The following TP63 variants were observed in gnomAD, a reference collection of about 807,000 sequenced individuals.
TP63 encodes the protein tumor protein 63.
In TP63, 17 loss-of-function variants were observed where a neutral mutation model predicts 82.8. That is an observed-to-expected ratio of 0.21 (90% confidence interval 0.14 to 0.31). The LOEUF is 0.31. Among genes scored for constraint, TP63 ranks in the 10% least tolerant of loss-of-function variants. The pLI is 1.00. For synonymous variants in TP63, 330 were observed against 321.7 expected (o/e 1.03, Z -0.28); for missense variants, 648 against 895.3 (o/e 0.72, Z 3.52).
At chr3:189,621,503 C>G in the TP63 span, among the ~76,000 whole-genome samples, 2 of 151,700 alleles carry the variant, frequency 1.3e-5, no homozygotes, top group African/African-American at 4.8e-5. Flanking sequence ...ACATGTTACA[C>G]TATAGTATAT....
chr3:189,612,725 C>G, the TP63 span, among the ~76,000 whole-genome samples: 9 of 152,014 alleles, frequency 5.9e-5, no homozygotes, highest in Non-Finnish European at 1.3e-4. Context: ...ATGGTTTTGC[C>G]CAAAATCCTG....
At chr3:189,654,026 A>G (rs539065613) in intron 1 of TP63, among the ~76,000 whole-genome samples, 2 of 152,306 alleles carry the variant, frequency 1.3e-5, no homozygotes, top group East Asian at 3.9e-4. Flanking sequence ...AATAATGACT[A>G]GAACCTCTCT....
intron 4 of TP63, among the ~76,000 whole-genome samples, chr3:189,858,973 G>A (rs1716660980): frequency 1.3e-5 from 2 of 152,156 alleles, no homozygotes; most frequent in South Asian, 4.1e-4. Context: ...AGGGGACACG[G>A]GGTGAGGGGA....
At chr3:189,839,248 A>T (rs114416187) in intron 4 of TP63, among the ~76,000 whole-genome samples, 1 of 152,180 alleles carries the variant, frequency 6.6e-6, no homozygotes, top group African/African-American at 2.4e-5. Context: ...CTCAACAATT[A>T]TTGTCGGCAC....
At chr3:189,719,490 G>T (rs371938242) in intron 1 of TP63, among the ~76,000 whole-genome samples, 1 of 152,052 alleles carries the variant, frequency 6.6e-6, no homozygotes, top group Non-Finnish European at 1.5e-5. Context: ...AACACATCTA[G>T]TCCCTCCATT....
chr3:189,710,786 T>C (rs1387918210), intron 1 of TP63, among the ~76,000 whole-genome samples: 4 of 152,292 alleles, frequency 2.6e-5, no homozygotes, highest in Non-Finnish European at 4.4e-5. Context: ...GATTTCCTGC[T>C]GGCCTTTCAC....
rs566458952 is a variant in TP63, at chr3:189,687,757, G to A, written c.63-49983G>A. On this transcript the variant is annotated intron_variant, in intron 1 of 13. Coordinates refer to ENST00000264731, the MANE Select transcript of TP63 (RefSeq NM_003722.5). Reference sequence around the variant, plus strand: ...GTAGAGGAACCATGAGTATTGTATCGTTACCCTCACTGTCTTCTCTTCTAC... The same window carrying A: ...GTAGAGGAACCATGAGTATTGTATCATTACCCTCACTGTCTTCTCTTCTAC... 5.9e-5 allele frequency among the ~76,000 whole-genome samples: 9 copies of A among 152,204 alleles called. No homozygotes were observed. In the East Asian group the frequency reaches 7.7e-4, roughly 13 times the overall value.
chr3:189,827,316 AT>A (rs1253657465), intron 4 of TP63, among the ~76,000 whole-genome samples: 1 of 152,178 alleles, frequency 6.6e-6, no homozygotes, highest in Non-Finnish European at 1.5e-5. Flanking sequence ...CATTGGAAGC[AT>A]TAATTGTAGA....
At chr3:189,833,226 G>T (rs1282173347) in intron 4 of TP63, among the ~76,000 whole-genome samples, 1 of 152,130 alleles carries the variant, frequency 6.6e-6, no homozygotes, top group Non-Finnish European at 1.5e-5. Context: ...GCACAGTGAG[G>T]GGAAGAAACA....
At position 189,894,978 on chromosome 3, in the gene TP63, C is replaced by T. The variant is rs1577215084; in HGVS notation, c.*476C>T. On this transcript the variant is annotated 3_prime_UTR_variant, in exon 14 of 14. Coordinates refer to ENST00000264731, the MANE Select transcript of TP63 (RefSeq NM_003722.5). ...TTGTTTTGGATGGCTTGTCTATACT[C>T]CTTCCCTTAAGGGGTATCATGTATG... is the stretch of plus-strand genomic sequence containing the variant. The T allele has an allele frequency of 1.8e-5, 4 of 221,780 alleles. No individual in the cohort carries two copies. In the East Asian group the frequency reaches 2.7e-4, roughly 15 times the overall value. 13.7% of individuals were successfully genotyped at this position (221,780 alleles called of 1,614,324 possible). A position where few individuals can be genotyped will look rare whatever the true frequency, so the allele number is the denominator to read the frequency against.
At chr3:189,713,206 CT>C (rs1718722391) in intron 1 of TP63, among the ~76,000 whole-genome samples, 1 of 152,158 alleles carries the variant, frequency 6.6e-6, no homozygotes, top group South Asian at 2.1e-4. Context: ...TCTGTTTATT[CT>C]GTGTATTTCT....
At chr3:189,724,969 C>T (rs1164520002) in intron 1 of TP63, among the ~76,000 whole-genome samples, 1 of 152,126 alleles carries the variant, frequency 6.6e-6, no homozygotes, top group Non-Finnish European at 1.5e-5. Flanking sequence ...AAGGATAAAC[C>T]AGCAATCGAT....
intron 1 of TP63, among the ~76,000 whole-genome samples, chr3:189,642,309 A>G (rs1711962014): frequency 6.6e-6 from 1 of 152,222 alleles, no homozygotes; most frequent in Non-Finnish European, 1.5e-5. Context: ...TGAAAATGAG[A>G]TATGAACAGC....
the TP63 span, among the ~76,000 whole-genome samples, chr3:189,623,924 G>A: frequency 6.6e-6 from 1 of 152,104 alleles, no homozygotes; most frequent in Non-Finnish European, 1.5e-5. Flanking sequence ...ATTATTGTGG[G>A]TAAAAAATAA....
intron 4 of TP63, among the ~76,000 whole-genome samples, chr3:189,832,818 C>G (rs1433792348): frequency 6.6e-6 from 1 of 152,210 alleles, no homozygotes; most frequent in Admixed American, 6.5e-5. Flanking sequence ...TCTTTCTAGA[C>G]CTGACAACAC....
the TP63 span, among the ~76,000 whole-genome samples, chr3:189,611,187 C>T: frequency 6.6e-6 from 1 of 152,154 alleles, no homozygotes; most frequent in African/African-American, 2.4e-5. Context: ...GTTGGAATTG[C>T]TTTTGGTGTC....
chr3:189,868,727 G>T lies in TP63; in HGVS notation c.1129+11G>T. On this transcript the variant is annotated intron_variant, in intron 8 of 13. Coordinates refer to ENST00000264731, the MANE Select transcript of TP63 (RefSeq NM_003722.5). Reference sequence around the variant, plus strand: ...ATGGTACGAAGCGCCGTAAGTAGATGTAGTGGCCAAATGGGGTAGGGTTGA... The same window carrying T: ...ATGGTACGAAGCGCCGTAAGTAGATTTAGTGGCCAAATGGGGTAGGGTTGA... The T allele has an allele frequency of 6.2e-7, 1 of 1,613,990 alleles. No individual in the cohort carries two copies. Among genetic ancestry groups the T allele is most frequent in the Non-Finnish European group, 8.5e-7 (1 of 1,179,916 alleles).
At chr3:189,883,523 A>T (rs1720143163) in intron 10 of TP63, among the ~76,000 whole-genome samples, 1 of 152,190 alleles carries the variant, frequency 6.6e-6, no homozygotes, top group African/African-American at 2.4e-5. Context: ...TGGGCCACAT[A>T]TCAGAGTGTT....
chr3:189,870,808 C>G lies in TP63; in HGVS notation c.1212+1402C>G, dbSNP rs1718328811. Among the ~76,000 whole-genome samples, 5 of 152,104 alleles carry G rather than the reference C, an allele frequency of 3.3e-5. No homozygotes were observed. In the South Asian group the frequency reaches 1.0e-3, roughly 32 times the overall value. On this transcript the variant is annotated intron_variant, in intron 9 of 13. Coordinates refer to ENST00000264731, the MANE Select transcript of TP63 (RefSeq NM_003722.5). Reference sequence around the variant, plus strand: ...CCCTTGATGCCATCTAAAGCGATGACATGAGACACAGCCAAGCAGGGCCAG... The same window carrying G: ...CCCTTGATGCCATCTAAAGCGATGAGATGAGACACAGCCAAGCAGGGCCAG...
Sources: allele counts gnomAD v4.1 joint callset (sites outside exome capture counted in the v4.1 genomes callset), GRCh38; gene constraint gnomAD v4.1.1; transcripts MANE v1.5; gene names NCBI Gene and HGNC (gene_info 2026-07-23, HGNC 2026-07-21).